CNTNAP5: variants seen among roughly 807,000 people sequenced by gnomAD.
The protein encoded by CNTNAP5 is contactin-associated protein-like 5.
CNTNAP5 carries 72 observed loss-of-function variants against 150.2 expected under a neutral mutation model. The ratio of observed to expected loss-of-function variants is 0.48; its 90% CI spans 0.40 to 0.58. CNTNAP5 has a LOEUF of 0.58. Ranked by LOEUF, CNTNAP5 falls within the 20% of genes least tolerant of loss-of-function variation. The pLI, the probability that CNTNAP5 is intolerant of heterozygous loss-of-function variation, is 0.00. For synonymous variants in CNTNAP5, 672 were observed against 619.8 expected, an observed-to-expected ratio of 1.08 and a Z score of -1.25; for missense variants, 1,636 against 1,626.2, an observed-to-expected ratio of 1.01 and a Z score of -0.10.
chr2:124,372,507 T>A (rs1251246454), intron 3 of CNTNAP5, among the ~76,000 whole-genome samples: 1 of 152,132 alleles, frequency 6.6e-6, no homozygotes, highest in Admixed American at 6.5e-5. Context: ...TGAAGGTATA[T>A]AATTGTTTCC....
rs191183346 is a variant in CNTNAP5, at chr2:124,476,807, G to A, written c.1062+1925G>A. Reference sequence around the variant, plus strand: ...GGCATTTGGCTTAGGGAGAGAAGTCGTTGTCTAACAGCATCTCTCTTTCTA... The same window carrying A: ...GGCATTTGGCTTAGGGAGAGAAGTCATTGTCTAACAGCATCTCTCTTTCTA... On this transcript the variant is annotated intron_variant, in intron 7 of 23. Transcript: ENST00000682447. Among the ~76,000 whole-genome samples, 417 of 149,302 alleles carry A rather than the reference G, an allele frequency of 2.8e-3. 2 individuals are homozygous for A. The highest frequency in any genetic ancestry group is 5.0e-3 in the Non-Finnish European group (340 of 67,982).
chr2:124,859,212 GA>G (rs1248301222), intron 19 of CNTNAP5, among the ~76,000 whole-genome samples: 4 of 151,796 alleles, frequency 2.6e-5, no homozygotes, highest in South Asian at 4.2e-4. Context: ...AAATTTACAA[GA>G]AAAAAACAAA....
At chr2:124,290,764 T>G (rs1189515559) in intron 3 of CNTNAP5, among the ~76,000 whole-genome samples, 1 of 152,190 alleles carries the variant, frequency 6.6e-6, no homozygotes, top group Admixed American at 6.5e-5. Flanking sequence ...GAGTGTTTCA[T>G]GGTCCTGAAC....
chr2:124,168,981 T>A (rs1466444557), intron 1 of CNTNAP5, among the ~76,000 whole-genome samples: 1 of 152,188 alleles, frequency 6.6e-6, no homozygotes, highest in Non-Finnish European at 1.5e-5. Context: ...TTAGATGGAA[T>A]CCAAAGATTC....
chr2:124,220,154 A>G (rs1330981110), intron 1 of CNTNAP5, among the ~76,000 whole-genome samples: 3 of 152,082 alleles, frequency 2.0e-5, no homozygotes, highest in African/African-American at 7.2e-5. Context: ...TTAAAAAAAA[A>G]AATAAATCAA....
chr2:124,247,095 C>A (rs1263374485), intron 3 of CNTNAP5, among the ~76,000 whole-genome samples: 2 of 152,082 alleles, frequency 1.3e-5, no homozygotes, highest in Non-Finnish European at 2.9e-5. Context: ...CGATTTCATC[C>A]TTGAGTGACT....
At chr2:124,145,814 A>T in intron 1 of CNTNAP5, among the ~76,000 whole-genome samples, 1 of 6,882 alleles carries the variant, frequency 1.5e-4, no homozygotes, top group Non-Finnish European at 3.2e-4. Flanking sequence ...AAAAACATTA[A>T]AAAAAAAAAA....
At chr2:124,501,908 A>T (rs1269629050) in intron 7 of CNTNAP5, among the ~76,000 whole-genome samples, 1 of 152,144 alleles carries the variant, frequency 6.6e-6, no homozygotes. Context: ...CTTAGAGAAT[A>T]CAGTAGAGGC....
chr2:124,409,951 A>C (rs767647479), intron 3 of CNTNAP5, among the ~76,000 whole-genome samples: 2,105 of 150,774 alleles, frequency 0.014, 24 homozygotes, highest in Non-Finnish European at 0.023. Flanking sequence ...TAAAGAGTCA[A>C]GAGCTGTATT....
intron 16 of CNTNAP5, among the ~76,000 whole-genome samples, chr2:124,766,343 G>A (rs1681068169): frequency 1.3e-5 from 2 of 150,628 alleles, no homozygotes; most frequent in Admixed American, 6.6e-5. Context: ...AAATACCCTT[G>A]AAAGCATAAG....
intron 3 of CNTNAP5, among the ~76,000 whole-genome samples, chr2:124,316,988 T>A (rs138427958): frequency 2.0e-5 from 3 of 152,226 alleles, no homozygotes; most frequent in African/African-American, 7.2e-5. Context: ...ACTCAGATGT[T>A]CTTTAGAATC....
chr2:124,243,298 C>T (rs1686933419), intron 3 of CNTNAP5, among the ~76,000 whole-genome samples: 1 of 152,184 alleles, frequency 6.6e-6, no homozygotes, highest in South Asian at 2.1e-4. Flanking sequence ...ATTCTGTCCT[C>T]TTAAATCAAT....
rs200269843 is a variant in CNTNAP5 at position 124,707,018 on chromosome 2, G to GAGAAGAAGAAGA, written c.2078-40199_2078-40188dup. Among the ~76,000 whole-genome samples the GAGAAGAAGAAGA allele has an allele frequency of 1.2e-4, 9 of 74,216 alleles. 1 individual carries two copies. The highest frequency in any genetic ancestry group is 4.5e-4 in the African/African-American group (8 of 17,662). 48.7% of individuals were successfully genotyped at this position (74,216 alleles called of 152,430 possible). A position where few individuals can be genotyped will look rare whatever the true frequency, so the allele number is the denominator to read the frequency against. On this transcript the variant is annotated intron_variant, in intron 13 of 23. Transcript: ENST00000682447. ...GAAGAGGAAGAAGAAGGAGGAGGAG[G>GAGAAGAAGAAGA]AGAAGAAGAAGAAGAAGAAGAAGGA...
chr2:124,837,271 G>T (rs564460905), intron 19 of CNTNAP5, among the ~76,000 whole-genome samples: 1 of 152,010 alleles, frequency 6.6e-6, no homozygotes, highest in African/African-American at 2.4e-5. Context: ...ATACAGGGTA[G>T]GTGGGGCATG....
intron 1 of CNTNAP5, among the ~76,000 whole-genome samples, chr2:124,115,359 G>A (rs781516919): frequency 1.2e-4 from 18 of 151,872 alleles, no homozygotes; most frequent in Non-Finnish European, 2.2e-4. Context: ...TAGGAATTTC[G>A]GACTGAAACT....
At chr2:124,660,197 G>T (rs1028498647) in intron 13 of CNTNAP5, among the ~76,000 whole-genome samples, 1 of 152,256 alleles carries the variant, frequency 6.6e-6, no homozygotes, top group East Asian at 1.9e-4. Flanking sequence ...ACTGGAGAAG[G>T]TTAACCATGT....
chr2:124,177,607 T>C (rs1012888429), intron 1 of CNTNAP5, among the ~76,000 whole-genome samples: 2 of 152,168 alleles, frequency 1.3e-5, no homozygotes, highest in African/African-American at 2.4e-5. Context: ...GAGAAACAGA[T>C]ACATGAATGT....
chr2:124,134,335 T>C (rs1402459026), intron 1 of CNTNAP5, among the ~76,000 whole-genome samples: 2 of 150,812 alleles, frequency 1.3e-5, no homozygotes, highest in Admixed American at 6.6e-5. Context: ...GAAATACTCC[T>C]CCACACTAGT....
chr2:124,658,613 T>G (rs1037803905), intron 13 of CNTNAP5, among the ~76,000 whole-genome samples: 1 of 152,192 alleles, frequency 6.6e-6, no homozygotes, highest in East Asian at 1.9e-4. Flanking sequence ...GAACATACTT[T>G]CCTTACCGTG....
Sources: gnomAD v4.1 joint callset for allele counts (sites outside exome capture counted in the v4.1 genomes callset) on GRCh38, gnomAD v4.1.1 for gene constraint, MANE v1.5 for transcripts, NCBI Gene and HGNC (gene_info 2026-07-23, HGNC 2026-07-21) for gene names.